HDAC8: variants seen among roughly 807,000 people sequenced by gnomAD.
HDAC8 encodes histone deacetylase 8, also known as histone deacetylase-like 1.
In HDAC8, 1 loss-of-function variant was observed where a neutral mutation model predicts 32.2. That is an observed-to-expected ratio of 0.03 (90% CI 0.01 to 0.15). The LOEUF (loss-of-function observed/expected upper bound fraction) is 0.15. Among genes scored for constraint, HDAC8 ranks in the 10% least tolerant of loss-of-function variants. The pLI, the probability that HDAC8 is intolerant of heterozygous loss-of-function variation, is 1.00. For missense variants in HDAC8, 117 were observed against 300.0 expected, an observed-to-expected ratio of 0.39 and a Z score of 4.51; for synonymous variants, 108 against 113.9, an observed-to-expected ratio of 0.95 and a Z score of 0.33.
intron 9 of HDAC8, among the ~76,000 whole-genome samples, chrX:72,420,705 T>A (rs2046463608): frequency 8.9e-6 from 1 of 112,105 alleles, no homozygotes; most frequent in South Asian, 3.7e-4. Flanking sequence ...AATCAATTGA[T>A]CAGTACATAA....
At chrX:72,391,366 G>T (rs1166505245) in intron 9 of HDAC8, among the ~76,000 whole-genome samples, 2 of 112,364 alleles carry the variant, frequency 1.8e-5, no homozygotes, top group Non-Finnish European at 3.8e-5. Flanking sequence ...CTCACAGGCA[G>T]AAGTTTTGCT....
At chrX:72,378,868 CT>C (rs1432813524) in intron 9 of HDAC8, among the ~76,000 whole-genome samples, 156 of 102,042 alleles carry the variant, frequency 1.5e-3, no homozygotes, top group Non-Finnish European at 1.4e-3. Flanking sequence ...CCCTTCAGTA[CT>C]TTTTTTTTTT....
chrX:72,409,713 G>A (rs1035611405), intron 9 of HDAC8, among the ~76,000 whole-genome samples: 4 of 112,038 alleles, frequency 3.6e-5, no homozygotes, highest in East Asian at 5.6e-4. Context: ...TTCTCAATTC[G>A]CTCAATAGGA....
intron 7 of HDAC8, chrX:72,474,782 G>GA (rs2048285265): frequency 1.3e-6 from 1 of 781,605 alleles, no homozygotes; most frequent in Non-Finnish European, 1.9e-6. Flanking sequence ...TTGGATAAAA[G>GA]AAAAGCCCAA....
At chrX:72,486,326 T>C (rs1470648984) in intron 7 of HDAC8, among the ~76,000 whole-genome samples, 1 of 111,078 alleles carries the variant, frequency 9.0e-6, no homozygotes, top group African/African-American at 3.3e-5. Flanking sequence ...AGTGATCTAG[T>C]TACCAGGGCT....
At chrX:72,368,333 T>A (rs1333184469) in intron 9 of HDAC8, among the ~76,000 whole-genome samples, 1 of 105,683 alleles carries the variant, frequency 9.5e-6, no homozygotes, top group African/African-American at 3.5e-5. Flanking sequence ...GAGTTCCTCA[T>A]TCCCTCCCGT....
At chrX:72,358,061 C>T (rs1394989293) in intron 9 of HDAC8, among the ~76,000 whole-genome samples, 2 of 109,640 alleles carry the variant, frequency 1.8e-5, no homozygotes, top group Admixed American at 9.7e-5. Flanking sequence ...CGCACCACCA[C>T]GTCTGGCTAA....
At chrX:72,527,384 T>A (rs1489312015) in intron 4 of HDAC8, among the ~76,000 whole-genome samples, 1 of 111,793 alleles carries the variant, frequency 8.9e-6, no homozygotes, top group African/African-American at 3.3e-5. Flanking sequence ...TTGAGTTTAG[T>A]GTCTTTGTTG....
chrX:72,518,213 A>C (rs2049869202), intron 4 of HDAC8, among the ~76,000 whole-genome samples: 2 of 111,583 alleles, frequency 1.8e-5, no homozygotes, highest in Non-Finnish European at 3.8e-5. Context: ...TCATCATCAT[A>C]ATCTCGTATT....
intron 4 of HDAC8, among the ~76,000 whole-genome samples, chrX:72,553,158 C>A (rs2051147237): frequency 9.0e-6 from 1 of 110,816 alleles, no homozygotes; most frequent in Non-Finnish European, 1.9e-5. Flanking sequence ...GATTCTCCTG[C>A]CTCAACTTCC....
chrX:72,525,457 G>A (rs1247557607), intron 4 of HDAC8, among the ~76,000 whole-genome samples: 3 of 110,403 alleles, frequency 2.7e-5, no homozygotes, highest in Non-Finnish European at 5.7e-5. Context: ...CTTGCCTCTT[G>A]TCTTGGCCCC....
chrX:72,515,000 C>A (rs2078173063), intron 4 of HDAC8, among the ~76,000 whole-genome samples: 1 of 111,415 alleles, frequency 9.0e-6, no homozygotes, highest in Non-Finnish European at 1.9e-5. Context: ...AAATAACCAC[C>A]ACAATCAAGC....
At chrX:72,450,837 A>T (rs781859913) in intron 9 of HDAC8, among the ~76,000 whole-genome samples, 2 of 111,658 alleles carry the variant, frequency 1.8e-5, no homozygotes, top group African/African-American at 3.3e-5. Flanking sequence ...AGTTAAAAAA[A>T]AAATAAAGAA....
In HDAC8 at chrX:72,419,442, T is replaced by G. The variant is rs2046427098; in HGVS notation, c.1005+42562A>C. On this transcript the variant is annotated intron_variant, in intron 9 of 10. Coordinates refer to ENST00000373573, the MANE Select transcript of HDAC8 (RefSeq NM_018486.3). ...TAAAAGCACATCTGATTTTGTGTAA[T>G]GACATTGTAACCTGCAATGCTGCTG... is the stretch of plus-strand genomic sequence containing the variant. Among the ~76,000 whole-genome samples the G allele has an allele frequency of 4.5e-5, 5 of 111,866 alleles. No individual in the cohort carries two copies. The South Asian group carries it at 1.9e-3, about 41-fold the overall frequency.
intron 9 of HDAC8, among the ~76,000 whole-genome samples, chrX:72,404,479 C>A (rs1271196386): frequency 9.0e-6 from 1 of 111,042 alleles, no homozygotes; most frequent in Non-Finnish European, 1.9e-5. Flanking sequence ...TTATTAATAT[C>A]ACCCACATGC....
chrX:72,561,122 G>T (rs782456887), intron 4 of HDAC8, among the ~76,000 whole-genome samples: 18 of 111,608 alleles, frequency 1.6e-4, no homozygotes, highest in Non-Finnish European at 5.6e-5. Context: ...CCATACTGCC[G>T]AAAGCAATCT....
intron 4 of HDAC8, among the ~76,000 whole-genome samples, chrX:72,536,795 CCA>C (rs1198637043): frequency 8.9e-6 from 1 of 111,787 alleles, no homozygotes; most frequent in Non-Finnish European, 1.9e-5. Flanking sequence ...AAAATATACC[CCA>C]CAGTCTGGTG....
chrX:72,547,083 T>C (rs369845910), intron 4 of HDAC8, among the ~76,000 whole-genome samples: 12 of 111,173 alleles, frequency 1.1e-4, no homozygotes, highest in African/African-American at 1.6e-4. Flanking sequence ...GTAGCTTTCC[T>C]TTCCTATTTC....
At chrX:72,524,206 T>A (rs1556030437) in intron 4 of HDAC8, among the ~76,000 whole-genome samples, 1 of 112,153 alleles carries the variant, frequency 8.9e-6, no homozygotes, top group African/African-American at 3.2e-5. Context: ...TCCAAAAATC[T>A]ATATCTTCAT....
Sources: allele counts gnomAD v4.1 joint callset (sites outside exome capture counted in the v4.1 genomes callset), GRCh38; gene constraint gnomAD v4.1.1; transcripts MANE v1.5; gene names NCBI Gene and HGNC (gene_info 2026-07-23, HGNC 2026-07-21).